Variants in ERBB4 observed in about 807,000 individuals in gnomAD.
The protein encoded by ERBB4 is erb-b2 receptor tyrosine kinase 4.
Under a neutral mutation model 158.0 loss-of-function variants are expected in ERBB4, and 42 were observed. The ratio of observed to expected loss-of-function variants is 0.27; its 90% confidence interval spans 0.21 to 0.34. ERBB4 has a LOEUF of 0.34. Among genes scored for constraint, ERBB4 ranks in the 10% least tolerant of loss-of-function variants. The pLI is 1.00. For synonymous variants in ERBB4, 583 were observed against 558.7 expected, an observed-to-expected ratio of 1.04 and a Z score of -0.61; for missense variants, 1,333 against 1,624.1, an observed-to-expected ratio of 0.82 and a Z score of 3.08.
At chr2:211,893,164 A>G (rs2079013141) in intron 3 of ERBB4, among the ~76,000 whole-genome samples, 1 of 145,066 alleles carries the variant, frequency 6.9e-6, no homozygotes, top group Non-Finnish European at 1.5e-5. Flanking sequence ...AAACTATACT[A>G]CAAGGCTACA....
rs1337126854 is a variant in ERBB4, at chr2:211,580,882, T to C, written c.2302-18794A>G. ...ATGCATATACATATATATATATATA[T>C]ATATATATATATATATATATATATA... On this transcript the variant is annotated intron_variant, in intron 19 of 27. Transcript: ENST00000342788. Among the ~76,000 whole-genome samples the C allele has an allele frequency of 3.4e-3, 9 of 2,622 alleles. 2 individuals are homozygous for C. The highest frequency in any genetic ancestry group is 8.5e-3 in the African/African-American group (7 of 820). 1.7% of individuals were successfully genotyped at this position (2,622 alleles called of 152,430 possible).
intron 25 of ERBB4, among the ~76,000 whole-genome samples, chr2:211,411,714 C>CA (rs1434889101): frequency 2.6e-5 from 4 of 152,122 alleles, no homozygotes; most frequent in Admixed American, 6.5e-5. Flanking sequence ...GCTAAACGTT[C>CA]AAAAATCCTT....
intron 1 of ERBB4, among the ~76,000 whole-genome samples, chr2:212,173,407 G>T (rs924734784): frequency 3.9e-5 from 6 of 152,100 alleles, no homozygotes; most frequent in African/African-American, 1.4e-4. Context: ...CAAAGGCAAA[G>T]GCCTTGAAGC....
intron 4 of ERBB4, among the ~76,000 whole-genome samples, chr2:211,774,167 G>A (rs2075814107): frequency 6.6e-6 from 1 of 151,430 alleles, no homozygotes; most frequent in African/African-American, 2.4e-5. Context: ...CTGCCTCCTG[G>A]GTTCAAACGA....
intron 3 of ERBB4, among the ~76,000 whole-genome samples, chr2:211,804,000 T>C (rs1319709033): frequency 6.6e-6 from 1 of 152,206 alleles, no homozygotes; most frequent in African/African-American, 2.4e-5. Context: ...TCATCATTTG[T>C]TGCAATGGAG....
chr2:211,623,871 T>C, intron 18 of ERBB4, 51 bp downstream of exon 18: 1 of 1,592,644 alleles, frequency 6.3e-7, no homozygotes, highest in Non-Finnish European at 8.6e-7. Flanking sequence ...TATTATTTTC[T>C]AAACATCTAA....
chr2:211,903,628 T>C (rs1160349563), intron 3 of ERBB4, among the ~76,000 whole-genome samples: 1 of 152,066 alleles, frequency 6.6e-6, no homozygotes, highest in Non-Finnish European at 1.5e-5. Flanking sequence ...ATAAATATGT[T>C]AGTGACTGTT....
intron 2 of ERBB4, among the ~76,000 whole-genome samples, chr2:211,968,519 C>T (rs1263135745): frequency 6.6e-6 from 1 of 151,918 alleles, no homozygotes; most frequent in African/African-American, 2.4e-5. Context: ...ACTACTTCAC[C>T]CTATCAGTTT....
At chr2:212,069,458 T>C (rs1160313447) in intron 2 of ERBB4, among the ~76,000 whole-genome samples, 1 of 152,022 alleles carries the variant, frequency 6.6e-6, no homozygotes, top group Non-Finnish European at 1.5e-5. Context: ...GCTAACATCA[T>C]ACTTAATGAT....
At chr2:211,561,114 T>C (rs2067380202) in intron 20 of ERBB4, among the ~76,000 whole-genome samples, 1 of 152,172 alleles carries the variant, frequency 6.6e-6, no homozygotes, top group African/African-American at 2.4e-5. Context: ...ATCATAGATA[T>C]TTGTTTTGAA....
chr2:211,421,888 C>T (rs967168081), intron 24 of ERBB4, 119 bp downstream of exon 24: 6 of 724,862 alleles, frequency 8.3e-6, no homozygotes, highest in Non-Finnish European at 1.5e-5. Context: ...CATGATAATT[C>T]TGCTTAATTA....
At chr2:211,392,352 AG>A (rs1574398558) in intron 25 of ERBB4, among the ~76,000 whole-genome samples, 1 of 152,162 alleles carries the variant, frequency 6.6e-6, no homozygotes, top group East Asian at 1.9e-4. Context: ...GGCAATCAGA[AG>A]GAAACAAACA....
At chr2:212,341,988 G>A (rs2088740951) in intron 1 of ERBB4, among the ~76,000 whole-genome samples, 1 of 152,138 alleles carries the variant, frequency 6.6e-6, no homozygotes, top group African/African-American at 2.4e-5. Flanking sequence ...GCTGGACATG[G>A]TGGTTCAGAC....
At chr2:211,926,127 C>A (rs958541573) in intron 3 of ERBB4, among the ~76,000 whole-genome samples, 5 of 152,124 alleles carry the variant, frequency 3.3e-5, no homozygotes, top group African/African-American at 7.2e-5. Flanking sequence ...AAGCGCCAGT[C>A]CTGACATGGC....
Position 211,804,877 on chromosome 2 carries a change from G to T in ERBB4, c.422-16718C>A, listed in dbSNP as rs1244984173. Among the ~76,000 whole-genome samples the T allele has an allele frequency of 3.3e-5, 5 of 150,252 alleles. No homozygotes were observed. The East Asian group carries it at 7.9e-4, about 24-fold the overall frequency. On this transcript the variant is annotated intron_variant, in intron 3 of 27. Coordinates refer to ENST00000342788, the MANE Select transcript of ERBB4 (RefSeq NM_005235.3). The stretch of plus-strand genomic sequence containing the variant: ...GAGCTCTTCATCCCTAACAGTGAGT[G>T]TTCTTTCTACTTCTGAGCAGAGGTT...
intron 2 of ERBB4, among the ~76,000 whole-genome samples, chr2:212,124,272 A>G (rs895040996): frequency 6.6e-6 from 1 of 152,132 alleles, no homozygotes; most frequent in Non-Finnish European, 1.5e-5. Context: ...ACTTTAAATA[A>G]TTTGTAGGTT....
intron 25 of ERBB4, among the ~76,000 whole-genome samples, chr2:211,413,335 C>A (rs1158070768): frequency 9.4e-6 from 1 of 106,150 alleles, no homozygotes. Flanking sequence ...CACACACACA[C>A]ACACACACAC....
chr2:212,324,485 G>T (rs5838318), intron 1 of ERBB4, among the ~76,000 whole-genome samples: 402 of 29,134 alleles, frequency 0.014, 11 homozygotes, highest in Non-Finnish European at 0.03. Context: ...TTTTGTTTTT[G>T]TTTTTTTTTC....
At chr2:211,678,456 T>C (rs1249727848) in intron 13 of ERBB4, among the ~76,000 whole-genome samples, 1 of 152,206 alleles carries the variant, frequency 6.6e-6, no homozygotes, top group East Asian at 1.9e-4. Flanking sequence ...AACTGGAATA[T>C]ATTTCTCAAT....
Sources: gnomAD v4.1 joint callset for allele counts (sites outside exome capture counted in the v4.1 genomes callset) on GRCh38, gnomAD v4.1.1 for gene constraint, MANE v1.5 for transcripts, NCBI Gene and HGNC (gene_info 2026-07-23, HGNC 2026-07-21) for gene names.